The following PDE12 variants were observed in gnomAD, a reference collection of about 807,000 sequenced individuals.
PDE12 encodes phosphodiesterase 12.
PDE12 carries 26 observed loss-of-function variants against 45.4 expected under a neutral mutation model. The observed-to-expected ratio is 0.57, with a 90% CI of 0.42 to 0.79. PDE12 has a LOEUF of 0.79. Among genes scored for constraint, PDE12 ranks in the 30% least tolerant of loss-of-function variants. The pLI is 0.00. For missense variants in PDE12, 668 were observed against 790.0 expected (o/e 0.85, Z 1.85); for synonymous variants, 283 against 323.9 (o/e 0.87, Z 1.36).
rs1214543822 is a variant in PDE12, at chr3:57,563,528, A to C, written c.*3524A>C. The C allele has an allele frequency of 6.6e-6, 1 of 152,108 alleles. No individual in the cohort carries two copies. The highest frequency in any genetic ancestry group is 2.4e-5 in the African/African-American group (1 of 41,386). 9.4% of individuals were successfully genotyped at this position (152,108 alleles called of 1,614,324 possible). A position where few individuals can be genotyped will look rare whatever the true frequency, so the allele number is the denominator to read the frequency against. On this transcript the variant is annotated 3_prime_UTR_variant, in exon 3 of 3. Coordinates refer to ENST00000311180, the MANE Select transcript of PDE12 (RefSeq NM_177966.7). ...CCCTGAAAATGAATTTTTTAAACAC[A>C]AATAAAAAATATTTCAGTGTTTTGA...
At chr3:57,604,614 TTTTG>T in the PDE12 span, among the ~76,000 whole-genome samples, 7 of 33,026 alleles carry the variant, frequency 2.1e-4, 1 homozygote, top group Admixed American at 2.9e-4. Context: ...TTTTTTTTTT[TTTTG>T]GGGGGGGTGG....
chr3:57,582,469 C>T, the PDE12 span, among the ~76,000 whole-genome samples: 1 of 152,064 alleles, frequency 6.6e-6, no homozygotes, highest in African/African-American at 2.4e-5. Flanking sequence ...TCTTGAACTC[C>T]TGACCTCGTG....
At chr3:57,587,858 G>A in the PDE12 span, among the ~76,000 whole-genome samples, 1 of 152,038 alleles carries the variant, frequency 6.6e-6, no homozygotes, top group Non-Finnish European at 1.5e-5. Context: ...AACACAGAAT[G>A]TATCTTATGC....
the PDE12 span, chr3:57,583,931 C>T: frequency 6.2e-7 from 1 of 1,609,728 alleles, no homozygotes; most frequent in Admixed American, 1.7e-5. Context: ...TCCAGAGAGG[C>T]CTAATTCTAT....
At position 57,560,021 on chromosome 3, in the gene PDE12, A is replaced by C. The variant is rs369285340; in HGVS notation, c.*17A>C. ...TGGAAATAGATGTGTGTTTAATGGA[A>C]TTGAAGTCTGAAAAGGAAGTAGTTA... On this transcript the variant is annotated 3_prime_UTR_variant, in exon 3 of 3. Coordinates refer to ENST00000311180, the MANE Select transcript of PDE12 (RefSeq NM_177966.7). The C allele has an allele frequency of 4.5e-6, 7 of 1,571,366 alleles. No individual in the cohort carries two copies. In the African/African-American group the frequency reaches 5.4e-5, roughly 12 times the overall value.
At chr3:57,632,076 G>A in the PDE12 span, among the ~76,000 whole-genome samples, 1 of 143,094 alleles carries the variant, frequency 7.0e-6, no homozygotes, top group Admixed American at 7.4e-5. Flanking sequence ...GCTGAGTGCA[G>A]TGGCGCGATC....
the PDE12 span, among the ~76,000 whole-genome samples, chr3:57,643,308 G>T: frequency 6.6e-6 from 1 of 152,002 alleles, no homozygotes; most frequent in Non-Finnish European, 1.5e-5. Context: ...TGAGATTAGG[G>T]GAGAAAAGAG....
chr3:57,627,051 T>C, the PDE12 span: 1 of 152,204 alleles, frequency 6.6e-6, no homozygotes, highest in African/African-American at 2.4e-5. Flanking sequence ...TTTAAAAAAA[T>C]AGCTGATTAT....
chr3:57,558,490 A>ATTT (rs1336405512), intron 1 of PDE12, among the ~76,000 whole-genome samples: 1 of 111,896 alleles, frequency 8.9e-6, no homozygotes, highest in Non-Finnish European at 2.1e-5. Flanking sequence ...ATATTGGACT[A>ATTT]TTATTATTAT....
At chr3:57,641,751 T>C in the PDE12 span, 1 of 1,609,234 alleles carries the variant, frequency 6.2e-7, no homozygotes, top group Admixed American at 1.7e-5. Context: ...TGAGGGCCTA[T>C]AAAAAACAAA....
At chr3:57,619,737 C>A in the PDE12 span, among the ~76,000 whole-genome samples, 1 of 151,946 alleles carries the variant, frequency 6.6e-6, no homozygotes, top group African/African-American at 2.4e-5. Flanking sequence ...GTAGTCCTAG[C>A]TACTCAGGAG....
At chr3:57,651,094 GAATATT>G in the PDE12 span, among the ~76,000 whole-genome samples, 14 of 152,008 alleles carry the variant, frequency 9.2e-5, no homozygotes, top group African/African-American at 3.4e-4. Flanking sequence ...CATCCACATG[GAATATT>G]ATTCAACCAT....
At position 57,566,005 on chromosome 3, in the gene PDE12, T is replaced by A. The variant is rs1294443201; in HGVS notation, c.*6001T>A. 6.6e-6 allele frequency: 1 copy of A among 152,112 alleles called. No homozygotes were observed. Among genetic ancestry groups the A allele is most frequent in the Non-Finnish European group, 1.5e-5 (1 of 68,024 alleles). The allele number at this position is 152,112 out of a possible 1,614,324, so 9.4% of individuals were successfully genotyped here. ...ATTTCTATCCCAGCTGTAGAGTTTT[T>A]AATAATTCTATTATAAATAATGGAA... is the stretch of plus-strand genomic sequence containing the variant. On this transcript the variant is annotated 3_prime_UTR_variant, in exon 3 of 3. Transcript: ENST00000311180.
chr3:57,607,458 G>C, the PDE12 span, among the ~76,000 whole-genome samples: 1 of 152,126 alleles, frequency 6.6e-6, no homozygotes. Flanking sequence ...AAAGGAGGAA[G>C]TTCAAACCCA....
At chr3:57,597,058 G>A in the PDE12 span, 2 of 1,612,968 alleles carry the variant, frequency 1.2e-6, no homozygotes, top group Non-Finnish European at 1.7e-6. Flanking sequence ...CGCCTGACTC[G>A]CAGCCCCTCA....
chr3:57,563,371 C>CT lies in PDE12; in HGVS notation c.*3370dup, dbSNP rs1182725679. The CT allele has an allele frequency of 6.6e-6, 1 of 151,970 alleles. No individual in the cohort carries two copies. The highest frequency in any genetic ancestry group is 1.5e-5 in the Non-Finnish European group (1 of 68,000). 9.4% of individuals were successfully genotyped at this position (151,970 alleles called of 1,614,324 possible). A position where few individuals can be genotyped will look rare whatever the true frequency, so the allele number is the denominator to read the frequency against. ...CTTTTTTTCTTTTTTTATTATTATA[C>CT]TTTAAGTTCTAGTGTACATGTGCCC... On this transcript the variant is annotated 3_prime_UTR_variant, in exon 3 of 3. Transcript: ENST00000311180.
the PDE12 span, among the ~76,000 whole-genome samples, chr3:57,607,893 A>C: frequency 6.6e-6 from 1 of 152,162 alleles, no homozygotes; most frequent in African/African-American, 2.4e-5. Context: ...AGAACGCCAC[A>C]AAGATACTCC....
chr3:57,573,153 G>T, the PDE12 span, among the ~76,000 whole-genome samples: 736 of 148,820 alleles, frequency 4.9e-3, 5 homozygotes, highest in African/African-American at 0.017. Flanking sequence ...AGTGAGCCGA[G>T]ATCGTGCCAC....
At chr3:57,610,421 A>T in the PDE12 span, among the ~76,000 whole-genome samples, 1 of 152,178 alleles carries the variant, frequency 6.6e-6, no homozygotes, top group African/African-American at 2.4e-5. Context: ...AGGGTATTCA[A>T]TTAGGAAAAG....
Sources: allele counts gnomAD v4.1 joint callset (sites outside exome capture counted in the v4.1 genomes callset), GRCh38; gene constraint gnomAD v4.1.1; transcripts MANE v1.5; gene names NCBI Gene and HGNC (gene_info 2026-07-23, HGNC 2026-07-21).